The following RAPGEF6 variants were observed in gnomAD, a reference collection of about 807,000 sequenced individuals.
The protein encoded by RAPGEF6 is PDZ domain containing guanine nucleotide exchange factor (GEF) 2.
In RAPGEF6, 56 loss-of-function variants were observed where a neutral mutation model predicts 171.4. The observed-to-expected ratio is 0.33, with a 90% CI of 0.26 to 0.41. The LOEUF (loss-of-function observed/expected upper bound fraction) is 0.41. Among genes scored for constraint, RAPGEF6 ranks in the 10% least tolerant of loss-of-function variants. The pLI is 1.00. For synonymous variants in RAPGEF6, 692 were observed against 650.1 expected (o/e 1.06, Z -0.98); for missense variants, 1,674 against 1,921.4 (o/e 0.87, Z 2.41).
intron 6 of RAPGEF6, among the ~76,000 whole-genome samples, chr5:131,523,280 T>TAA (rs1758630285): frequency 1.4e-5 from 1 of 72,452 alleles, no homozygotes; most frequent in Admixed American, 1.2e-4. Flanking sequence ...TGTTGTATGC[T>TAA]TTTTTTTTTT....
At chr5:131,450,882 T>C (rs1753021179) in intron 21 of RAPGEF6, among the ~76,000 whole-genome samples, 3 of 152,236 alleles carry the variant, frequency 2.0e-5, no homozygotes, top group Non-Finnish European at 4.4e-5. Flanking sequence ...GCCATGTTTA[T>C]TAATTTCCTC....
At chr5:131,484,513 C>A (rs1755738573) in intron 15 of RAPGEF6, among the ~76,000 whole-genome samples, 1 of 152,010 alleles carries the variant, frequency 6.6e-6, no homozygotes, top group African/African-American at 2.4e-5. Flanking sequence ...CTGTGCCTGG[C>A]CAAGACATTC....
At chr5:131,609,674 G>T (rs559095404) in intron 1 of RAPGEF6, among the ~76,000 whole-genome samples, 34 of 152,182 alleles carry the variant, frequency 2.2e-4, no homozygotes, top group Non-Finnish European at 5.0e-4. Flanking sequence ...CCAACCGTAT[G>T]AGTTCCTGAT....
At chr5:131,551,511 CA>C (rs11305566) in intron 5 of RAPGEF6, among the ~76,000 whole-genome samples, 69,212 of 108,690 alleles carry the variant, frequency 0.64, 20,356 homozygotes, top group Non-Finnish European at 0.72. Flanking sequence ...GACTCCATCT[CA>C]AAAAAAAAAA....
intron 15 of RAPGEF6, among the ~76,000 whole-genome samples, chr5:131,484,570 G>A (rs1259761683): frequency 6.6e-6 from 1 of 152,114 alleles, no homozygotes; most frequent in Non-Finnish European, 1.5e-5. Flanking sequence ...CTTTCAGAAA[G>A]TAAAACCCTG....
At chr5:131,560,218 C>T (rs968659125) in intron 5 of RAPGEF6, among the ~76,000 whole-genome samples, 14 of 152,088 alleles carry the variant, frequency 9.2e-5, no homozygotes, top group African/African-American at 2.7e-4. Context: ...AGATATAATG[C>T]TTCTTGACCC....
intron 1 of RAPGEF6, among the ~76,000 whole-genome samples, chr5:131,623,465 T>C (rs1264077891): frequency 6.6e-6 from 1 of 150,964 alleles, no homozygotes; most frequent in Non-Finnish European, 1.5e-5. Context: ...AGGAACAGTA[T>C]TTTTCACATT....
intron 21 of RAPGEF6, among the ~76,000 whole-genome samples, chr5:131,452,102 T>C (rs949760049): frequency 1.3e-3 from 205 of 151,926 alleles, no homozygotes; most frequent in South Asian, 3.7e-3. Context: ...CGCCTGTTGT[T>C]CCAGCTACTC....
intron 5 of RAPGEF6, among the ~76,000 whole-genome samples, chr5:131,558,197 G>T (rs916417799): frequency 1.3e-5 from 2 of 148,654 alleles, no homozygotes; most frequent in East Asian, 2.0e-4. Context: ...TCTTCTGTTT[G>T]TGTGTGTATA....
At chr5:131,577,009 C>A (rs933973368) in intron 4 of RAPGEF6, among the ~76,000 whole-genome samples, 30 of 152,154 alleles carry the variant, frequency 2.0e-4, no homozygotes, top group African/African-American at 6.0e-4. Flanking sequence ...CCACACAAGA[C>A]TGGCAGATTG....
chr5:131,459,073 C>T (rs2149831859), intron 19 of RAPGEF6, among the ~76,000 whole-genome samples: 1 of 152,278 alleles, frequency 6.6e-6, no homozygotes, highest in South Asian at 2.1e-4. Flanking sequence ...TTGACTAGCC[C>T]TATCAGACCT....
rs192673353 is a variant in RAPGEF6 at position 131,519,755 on chromosome 5, C to T, written c.627+1635G>A. ...CTGAGAGAAATCTACAGCCACATCC[C>T]TGAATTTCACTGATCCAGGGTCAAT... On this transcript the variant is annotated intron_variant, in intron 7 of 27. Coordinates refer to ENST00000509018, the MANE Select transcript of RAPGEF6 (RefSeq NM_016340.6). 5.0e-4 allele frequency among the ~76,000 whole-genome samples: 76 copies of T among 152,294 alleles called. No individual in the cohort carries two copies. In the Middle Eastern group the frequency reaches 0.01, roughly 20 times the overall value.
chr5:131,446,175 T>A (rs548092565), intron 22 of RAPGEF6, among the ~76,000 whole-genome samples: 2 of 152,352 alleles, frequency 1.3e-5, no homozygotes, highest in East Asian at 1.9e-4. Flanking sequence ...ATTCCACTTA[T>A]GTTTACTCTT....
chr5:131,549,162 C>T (rs190900759), intron 5 of RAPGEF6, among the ~76,000 whole-genome samples: 2 of 152,112 alleles, frequency 1.3e-5, no homozygotes, highest in African/African-American at 4.8e-5. Flanking sequence ...ACTGCCTGTC[C>T]AATCACAGAA....
At chr5:131,541,886 T>C (rs560634883) in intron 6 of RAPGEF6, among the ~76,000 whole-genome samples, 1 of 152,336 alleles carries the variant, frequency 6.6e-6, no homozygotes, top group African/African-American at 2.4e-5. Context: ...TACTATCAGA[T>C]AGGCCTACAA....
intron 6 of RAPGEF6, 62 bp from the exon 7 acceptor site, chr5:131,521,583 G>A: frequency 6.0e-6 from 9 of 1,490,234 alleles, no homozygotes; most frequent in African/African-American, 2.8e-5. Context: ...AAGCGGTTTC[G>A]ACATGTTCAA....
At chr5:131,600,028 T>C (rs1018229366) in intron 3 of RAPGEF6, among the ~76,000 whole-genome samples, 14 of 152,236 alleles carry the variant, frequency 9.2e-5, no homozygotes, top group African/African-American at 3.1e-4. Flanking sequence ...ACCCAACTTA[T>C]CTGAAAAGAA....
intron 4 of RAPGEF6, among the ~76,000 whole-genome samples, chr5:131,590,320 C>G (rs1223102364): frequency 6.6e-6 from 1 of 152,130 alleles, no homozygotes; most frequent in Non-Finnish European, 1.5e-5. Context: ...TTGCTTGAAC[C>G]CAGAAGGCGC....
At chr5:131,498,871 A>G (rs1049678913) in intron 11 of RAPGEF6, among the ~76,000 whole-genome samples, 5 of 152,236 alleles carry the variant, frequency 3.3e-5, no homozygotes, top group Admixed American at 6.5e-5. Flanking sequence ...CTGGCATTTC[A>G]TCATAGCAGG....
Sources: gnomAD v4.1 joint callset for allele counts (sites outside exome capture counted in the v4.1 genomes callset) on GRCh38, gnomAD v4.1.1 for gene constraint, MANE v1.5 for transcripts, NCBI Gene and HGNC (gene_info 2026-07-23, HGNC 2026-07-21) for gene names.